TANC2: variants seen among roughly 807,000 people sequenced by gnomAD.
The protein encoded by TANC2 is protein TANC2.
Under a neutral mutation model 210.5 loss-of-function variants are expected in TANC2, and 26 were observed. That is an observed-to-expected ratio of 0.12 (90% CI 0.09 to 0.17). TANC2 has a LOEUF of 0.17. Ranked by LOEUF, TANC2 falls within the 10% of genes least tolerant of loss-of-function variation. The probability of loss-of-function intolerance (pLI) is 1.00; values close to 1 mark genes in which losing one functional copy is unlikely to be tolerated. For synonymous variants in TANC2, 931 were observed against 967.1 expected (o/e 0.96, Z 0.69); for missense variants, 2,129 against 2,608.9 (o/e 0.82, Z 4.01).
At chr17:63,220,584 G>C (rs377483862) in intron 7 of TANC2, among the ~76,000 whole-genome samples, 2 of 150,766 alleles carry the variant, frequency 1.3e-5, no homozygotes, top group East Asian at 3.9e-4. Context: ...CGTGTCTCTA[G>C]TCCCAGCTAC....
intron 4 of TANC2, among the ~76,000 whole-genome samples, chr17:63,121,339 C>T (rs2038467245): frequency 6.6e-6 from 1 of 151,960 alleles, no homozygotes; most frequent in Admixed American, 6.6e-5. Context: ...TTTGTAGTGT[C>T]ATTGTAGGCA....
intron 9 of TANC2, among the ~76,000 whole-genome samples, chr17:63,287,019 T>A (rs1049707917): frequency 6.6e-6 from 1 of 152,098 alleles, no homozygotes; most frequent in African/African-American, 2.4e-5. Flanking sequence ...CTGCAACCTC[T>A]GCCTCCCGGG....
At chr17:63,257,056 T>TTTGG (rs1294391701) in intron 8 of TANC2, among the ~76,000 whole-genome samples, 3 of 148,820 alleles carry the variant, frequency 2.0e-5, no homozygotes, top group Non-Finnish European at 3.0e-5. Flanking sequence ...TTGTTTTTTG[T>TTTGG]TTGGTTGGTT....
chr17:63,185,915 G>T (rs1227037469), intron 5 of TANC2, among the ~76,000 whole-genome samples: 1 of 151,978 alleles, frequency 6.6e-6, no homozygotes, highest in African/African-American at 2.4e-5. Flanking sequence ...TGGTGTCTTT[G>T]GTGAAAAGAT....
At chr17:63,085,274 C>G (rs2036917866) in intron 3 of TANC2, among the ~76,000 whole-genome samples, 1 of 152,036 alleles carries the variant, frequency 6.6e-6, no homozygotes, top group African/African-American at 2.4e-5. Context: ...TTGTTACAAT[C>G]TCTGACTTTT....
intron 11 of TANC2, among the ~76,000 whole-genome samples, chr17:63,332,766 C>T (rs983677605): frequency 1.3e-5 from 2 of 152,282 alleles, no homozygotes; most frequent in African/African-American, 4.8e-5. Context: ...CAGGCTGACA[C>T]TCTTGTTAGG....
intron 2 of TANC2, among the ~76,000 whole-genome samples, chr17:63,072,123 G>C (rs1160937304): frequency 6.6e-6 from 1 of 152,040 alleles, no homozygotes; most frequent in African/African-American, 2.4e-5. Flanking sequence ...GAAAACTTTA[G>C]GATTTTTGGA....
chr17:63,352,771 G>A (rs1260821763), intron 13 of TANC2, among the ~76,000 whole-genome samples: 1 of 152,204 alleles, frequency 6.6e-6, no homozygotes, highest in East Asian at 1.9e-4. Flanking sequence ...TAGAAAATGA[G>A]CCTTCATTTA....
chr17:62,971,628 G>T (rs559093372), intron 1 of TANC2, among the ~76,000 whole-genome samples: 1 of 152,310 alleles, frequency 6.6e-6, no homozygotes, highest in East Asian at 1.9e-4. Context: ...ACTGTGCCCA[G>T]CCAGTTTTCT....
chr17:63,374,103 C>T (rs2047356507), intron 14 of TANC2, among the ~76,000 whole-genome samples: 1 of 124,490 alleles, frequency 8.0e-6, no homozygotes, highest in South Asian at 2.7e-4. Flanking sequence ...ACGGTGTAAT[C>T]ATAGCACACT....
chr17:63,004,747 G>A, intron 1 of TANC2: 1 of 328,484 alleles, frequency 3.0e-6, no homozygotes, highest in Non-Finnish European at 5.9e-6. Flanking sequence ...TTCAGTGCCT[G>A]CTCTGTTTTG....
At chr17:63,348,152 G>A (rs1477508243) in intron 12 of TANC2, among the ~76,000 whole-genome samples, 3 of 152,188 alleles carry the variant, frequency 2.0e-5, no homozygotes, top group Non-Finnish European at 4.4e-5. Context: ...TGTCTGATAT[G>A]AGTCTTCTTT....
At chr17:63,228,038 A>G (rs996123435) in intron 7 of TANC2, among the ~76,000 whole-genome samples, 1 of 151,328 alleles carries the variant, frequency 6.6e-6, no homozygotes, top group Non-Finnish European at 1.5e-5. Flanking sequence ...TAATTTTTGT[A>G]TTTTTAGTAG....
At chr17:63,112,117 A>G (rs781214831) in intron 4 of TANC2, among the ~76,000 whole-genome samples, 2 of 152,224 alleles carry the variant, frequency 1.3e-5, no homozygotes, top group Non-Finnish European at 2.9e-5. Flanking sequence ...ACATTTTTAA[A>G]GAAATGTTTG....
chr17:63,414,516 G>A (rs763401357), intron 25 of TANC2, among the ~76,000 whole-genome samples: 21 of 152,164 alleles, frequency 1.4e-4, no homozygotes, highest in Non-Finnish European at 1.9e-4. Flanking sequence ...TACCCTAGAT[G>A]TCATATTTAT....
exon 28 of TANC2, chr17:63,426,736 G>T (rs183542714): frequency 6.6e-6 from 1 of 152,270 alleles, no homozygotes; most frequent in Non-Finnish European, 1.5e-5. Flanking sequence ...TGGACGCGTA[G>T]AGATCAGGCC....
chr17:63,064,040 T>A lies in TANC2; in HGVS notation c.68-9903T>A, dbSNP rs145811017. 4.9e-4 allele frequency among the ~76,000 whole-genome samples: 75 copies of A among 152,294 alleles called. 3 individuals carry two copies. In the East Asian group the frequency reaches 0.013, roughly 27 times the overall value. On this transcript the variant is annotated intron_variant, in intron 2 of 27. Coordinates refer to ENST00000689528, the Ensembl canonical transcript of TANC2. ...CTACATAATGATTGCTAATGCTGTA[T>A]AACTGTAAAATGACATGAATCAGTC...
intron 13 of TANC2, among the ~76,000 whole-genome samples, chr17:63,352,193 T>TA (rs2046631861): frequency 6.6e-6 from 1 of 152,156 alleles, no homozygotes; most frequent in African/African-American, 2.4e-5. Context: ...TGATGAATAT[T>TA]AAAATCTCAA....
intron 15 of TANC2, 128 bp downstream of exon 15, chr17:63,379,954 C>A: frequency 1.4e-6 from 1 of 705,116 alleles, no homozygotes; most frequent in Non-Finnish European, 2.4e-6. Flanking sequence ...GTTCATCTCC[C>A]AACACGTATG....
Sources: allele counts gnomAD v4.1 joint callset (sites outside exome capture counted in the v4.1 genomes callset), GRCh38; gene constraint gnomAD v4.1.1; transcripts MANE v1.5; gene names NCBI Gene and HGNC (gene_info 2026-07-23, HGNC 2026-07-21).